The following COL5A2 variants were observed in gnomAD, a reference collection of about 807,000 sequenced individuals.
COL5A2 encodes collagen alpha-2(V) chain.
In COL5A2, 23 loss-of-function variants were observed where a neutral mutation model predicts 208.2. The ratio of observed to expected loss-of-function variants is 0.11; its 90% CI spans 0.08 to 0.16. COL5A2 has a LOEUF of 0.16. COL5A2 is among the 10% of genes least tolerant of loss of function. The pLI is 1.00. For synonymous variants in COL5A2, 625 were observed against 628.5 expected, an observed-to-expected ratio of 0.99 and a Z score of 0.08; for missense variants, 1,590 against 1,956.4, an observed-to-expected ratio of 0.81 and a Z score of 3.53.
intron 3 of COL5A2, among the ~76,000 whole-genome samples, chr2:189,103,534 T>C (rs7420035): frequency 0.13 from 19,956 of 151,990 alleles, 1,339 homozygotes; most frequent in Middle Eastern, 0.19. Flanking sequence ...ACAACTGAAG[T>C]AAATGCCATA....
intron 1 of COL5A2, among the ~76,000 whole-genome samples, chr2:189,130,297 C>CT (rs1414682805): frequency 3.9e-5 from 6 of 151,936 alleles, no homozygotes; most frequent in Non-Finnish European, 8.8e-5. Context: ...AGAGGTGAGT[C>CT]TATGAAATAG....
chr2:189,085,869 G>A, intron 9 of COL5A2, 97 bp from the exon 10 acceptor site: 3 of 990,318 alleles, frequency 3.0e-6, no homozygotes, highest in Non-Finnish European at 4.7e-6. Flanking sequence ...TAGACAGTTG[G>A]CTCTGCCATC....
intron 1 of COL5A2, among the ~76,000 whole-genome samples, chr2:189,119,466 A>C (rs568902483): frequency 6.6e-6 from 1 of 152,230 alleles, no homozygotes; most frequent in South Asian, 2.1e-4. Flanking sequence ...TTCTAAGGAG[A>C]AGTTGCTATT....
intron 1 of COL5A2, among the ~76,000 whole-genome samples, chr2:189,173,122 C>G (rs1043231519): frequency 3.3e-5 from 5 of 151,772 alleles, no homozygotes; most frequent in African/African-American, 1.2e-4. Flanking sequence ...AAGTGCCCAC[C>G]ACCATACCCA....
the COL5A2 span, among the ~76,000 whole-genome samples, chr2:189,273,329 G>A: frequency 0.14 from 21,455 of 151,654 alleles, 1,938 homozygotes; most frequent in South Asian, 0.2. Context: ...TATTAGAATA[G>A]GTATTATCAA....
At chr2:189,198,483 C>A (rs758827329) in intron 1 of COL5A2, among the ~76,000 whole-genome samples, 1 of 152,202 alleles carries the variant, frequency 6.6e-6, no homozygotes, top group East Asian at 1.9e-4. Flanking sequence ...GAAGGTACCA[C>A]TTTTTGAAGA....
chr2:189,188,150 CTTT>C (rs1688878840), intron 1 of COL5A2, among the ~76,000 whole-genome samples: 1 of 152,044 alleles, frequency 6.6e-6, no homozygotes, highest in Non-Finnish European at 1.5e-5. Context: ...GTGTACAGTT[CTTT>C]AAGTTTTAGC....
chr2:189,112,312 AGTT>A (rs1687299672), intron 1 of COL5A2, among the ~76,000 whole-genome samples: 1 of 152,240 alleles, frequency 6.6e-6, no homozygotes, highest in African/African-American at 2.4e-5. Flanking sequence ...GTTTTAATGT[AGTT>A]GTAATCAGTT....
the COL5A2 span, among the ~76,000 whole-genome samples, chr2:189,378,912 CTA>C: frequency 6.6e-6 from 1 of 151,906 alleles, no homozygotes; most frequent in Non-Finnish European, 1.5e-5. Flanking sequence ...AATCTTATGA[CTA>C]TTATTTATTT....
chr2:189,095,505 C>T (rs1303673812), intron 6 of COL5A2, among the ~76,000 whole-genome samples: 1 of 152,030 alleles, frequency 6.6e-6, no homozygotes, highest in African/African-American at 2.4e-5. Context: ...CTTTCATACA[C>T]ACACACACAA....
intron 1 of COL5A2, among the ~76,000 whole-genome samples, chr2:189,176,388 T>C (rs1385084334): frequency 6.6e-6 from 1 of 152,172 alleles, no homozygotes. Flanking sequence ...GTACAAACAC[T>C]GGCTTGCTTC....
chr2:189,360,734 C>T, the COL5A2 span, among the ~76,000 whole-genome samples: 1 of 152,004 alleles, frequency 6.6e-6, no homozygotes, highest in Non-Finnish European at 1.5e-5. Context: ...ATATCAAGAC[C>T]CACATGCGTT....
At chr2:189,255,865 G>A in the COL5A2 span, among the ~76,000 whole-genome samples, 1 of 152,250 alleles carries the variant, frequency 6.6e-6, no homozygotes, top group East Asian at 1.9e-4. Flanking sequence ...AAAGGAAGTA[G>A]CACATGAGCA....
At chr2:189,273,967 T>C in the COL5A2 span, among the ~76,000 whole-genome samples, 1 of 151,738 alleles carries the variant, frequency 6.6e-6, no homozygotes, top group South Asian at 2.1e-4. Context: ...ACGTATTGTA[T>C]ACCTGAAAAT....
At chr2:189,379,311 T>C in the COL5A2 span, among the ~76,000 whole-genome samples, 1 of 152,194 alleles carries the variant, frequency 6.6e-6, no homozygotes, top group African/African-American at 2.4e-5. Context: ...TCCTAAAATA[T>C]TTCTTCTGAA....
intron 1 of COL5A2, among the ~76,000 whole-genome samples, chr2:189,168,210 A>AT: frequency 6.9e-6 from 1 of 145,356 alleles, no homozygotes; most frequent in East Asian, 2.0e-4. Flanking sequence ...AAGTGCTGGG[A>AT]TTATAGGCGT....
intron 1 of COL5A2, among the ~76,000 whole-genome samples, chr2:189,138,917 G>A (rs1410891027): frequency 6.6e-6 from 1 of 152,062 alleles, no homozygotes; most frequent in East Asian, 1.9e-4. Context: ...AATAGAATAG[G>A]ACAAATCTCC....
the COL5A2 span, among the ~76,000 whole-genome samples, chr2:189,276,405 C>A: frequency 6.6e-6 from 1 of 152,012 alleles, no homozygotes; most frequent in Non-Finnish European, 1.5e-5. Flanking sequence ...TGTCTTAGAC[C>A]CTGTTGCTCA....
intron 1 of COL5A2, among the ~76,000 whole-genome samples, chr2:189,142,723 G>A (rs936533050): frequency 2.0e-5 from 3 of 151,870 alleles, no homozygotes; most frequent in South Asian, 2.1e-4. Context: ...CATAGCTATC[G>A]AAACTTCTTC....
Sources: allele counts gnomAD v4.1 joint callset (sites outside exome capture counted in the v4.1 genomes callset), GRCh38; gene constraint gnomAD v4.1.1; transcripts MANE v1.5; gene names NCBI Gene and HGNC (gene_info 2026-07-23, HGNC 2026-07-21).